NTHL1: variants seen among roughly 807,000 people sequenced by gnomAD.
NTHL1 encodes the protein nth like DNA glycosylase 1.
In NTHL1, 32 loss-of-function variants were observed where a neutral mutation model predicts 32.3. The ratio of observed to expected loss-of-function variants is 0.99; its 90% CI spans 0.75 to 1.33. NTHL1 has a LOEUF of 1.33. NTHL1 is among the 40% of genes most tolerant of loss of function. The pLI is 0.00. For synonymous variants in NTHL1, 188 were observed against 176.9 expected (o/e 1.06, Z -0.50); for missense variants, 501 against 414.1 (o/e 1.21, Z -1.82).
rs1219914965 is a variant in NTHL1, at chr16:2,039,849, G to T, written c.*75C>A. The T allele has an allele frequency of 6.3e-7, 1 of 1,585,202 alleles. No homozygotes were observed. Among genetic ancestry groups the T allele is most frequent in the Non-Finnish European group, 8.5e-7 (1 of 1,169,850 alleles). ...AACACACCAAAGCTTTATTCAACAG[G>T]CGTGGCTTCCTGAAGCGTAAAGCCA... On this transcript the variant is annotated 3_prime_UTR_variant, in exon 6 of 6. Transcript: ENST00000651570.
rs2084311016 is a variant in NTHL1 at position 2,044,311 on chromosome 16, G to A, written c.525+319C>T. 6.6e-6 allele frequency among the ~76,000 whole-genome samples: 1 copy of A among 152,214 alleles called. No homozygotes were observed. Among genetic ancestry groups the A allele is most frequent in the African/African-American group, 2.4e-5 (1 of 41,454 alleles). ...AGGGTGAGGGGCTCTGGACAGGAGGGGGTGACACACCGGGAGAGGCTAGCA... is the reference window on the plus strand; with the variant it reads ...AGGGTGAGGGGCTCTGGACAGGAGGAGGTGACACACCGGGAGAGGCTAGCA... On this transcript the variant is annotated intron_variant, in intron 3 of 5. Coordinates refer to ENST00000651570, the MANE Select transcript of NTHL1 (RefSeq NM_002528.7). This position sits in a 1 kb window ranked among gnomAD's most constrained non-coding sequence, Gnocchi z 5.0.
rs879181418 is a variant in NTHL1 at position 2,040,188 on chromosome 16, T to C, written c.736A>G (p.Lys246Glu). 2.5e-6 allele frequency: 4 copies of C among 1,613,972 alleles called. No homozygotes were observed. In the South Asian group the frequency reaches 3.3e-5, roughly 13 times the overall value. Residue 246 changes from lysine to glutamate, a missense_variant, in exon 5 of 6, where the codon AAG (lysine) becomes GAG (glutamate). Transcript: ENST00000651570. ...RIANRLRWTK[K>E]ATKSPEETRA... ...GTCTCCTCTGGGGACTTGGTTGCCT[T>C]CTTGGTCCACCTCAGCCTGTTGGCG...
Position 2,040,181 on chromosome 16 carries a change from G to T in NTHL1, c.743C>A (p.Thr248Asn), listed in dbSNP as rs577781337. ...GGCGCGGGTCTCCTCTGGGGACTTG[G>T]TTGCCTTCTTGGTCCACCTCAGCCT... ...ANRLRWTKKA[T>N]KSPEETRAAL... is the part of the protein sequence containing the mutation. The change falls in exon 5 of 6, where the codon ACC (threonine) becomes AAC (asparagine). Residue 248 changes from threonine to asparagine, a missense_variant. Physicochemically the swap from Thr to Asn is moderately conservative, Grantham distance 65. Transcript: ENST00000651570. 13 of 1,614,000 alleles carry T rather than the reference G, an allele frequency of 8.1e-6. No homozygotes were observed. Among genetic ancestry groups the T allele is most frequent in the Non-Finnish European group, 8.5e-6 (10 of 1,180,030 alleles).
intron 2 of NTHL1, 37 bp downstream of exon 2, chr16:2,046,091 A>AC (rs2084357997): frequency 6.5e-7 from 1 of 1,548,172 alleles, no homozygotes; most frequent in Non-Finnish European, 8.9e-7. Context: ...CCTTGCTAAG[A>AC]TGGGGGGTCA....
chr16:2,042,512 T>A (rs957464772), intron 4 of NTHL1, among the ~76,000 whole-genome samples: 5 of 152,042 alleles, frequency 3.3e-5, no homozygotes, highest in African/African-American at 1.2e-4. Context: ...GCCCCCCGCC[T>A]CCGGCACAGG....
intron 4 of NTHL1, chr16:2,040,590 C>T (rs999692965): frequency 9.5e-6 from 4 of 419,106 alleles, no homozygotes; most frequent in Non-Finnish European, 9.0e-6. Flanking sequence ...GCTTGGAGCT[C>T]TATTCCCCAC....
At position 2,040,034 on chromosome 16, in the gene NTHL1, C is replaced by G. The variant is rs895744368; in HGVS notation, c.805G>C (p.Glu269Gln). Reference protein sequence around the residue: ...EEWLPRELWHEINGLLVGFGQ... With the variant: ...EEWLPRELWHQINGLLVGFGQ... ...AAGCCCACCAAGAGTCCATTGATCT[C>G]GTGCCACAGCTCCCTGTGGGGGTGG... is the stretch of plus-strand genomic sequence containing the variant. Residue 269 changes from glutamate to glutamine, a missense_variant, in exon 6 of 6, where the codon GAG becomes CAG. Physicochemically the swap from Glu to Gln is conservative, Grantham distance 29 (BLOSUM62 2). Coordinates refer to ENST00000651570, the MANE Select transcript of NTHL1 (RefSeq NM_002528.7). The G allele has an allele frequency of 6.2e-7, 1 of 1,612,290 alleles. No individual in the cohort carries two copies. Among genetic ancestry groups the G allele is most frequent in the Non-Finnish European group, 8.5e-7 (1 of 1,179,984 alleles).
Position 2,046,370 on chromosome 16 carries a change from C to CA in NTHL1, c.116-5dup, listed in dbSNP as rs1596223593. ...GGGCTGTGGCTTTTCCTCGCTTCTG[C>CA]AAAAAGCACCACGCAGTCCCTCTGG... On this transcript the variant is annotated splice_polypyrimidine_tract_variant and splice_region_variant and intron_variant, in intron 1 of 5. Transcript: ENST00000651570. The CA allele has an allele frequency of 1.9e-6, 3 of 1,603,186 alleles. No homozygotes were observed. Among genetic ancestry groups the CA allele is most frequent in the Non-Finnish European group, 2.6e-6 (3 of 1,173,490 alleles).
At position 2,044,644 on chromosome 16, in the gene NTHL1, C is replaced by G. The variant is rs561923127; in HGVS notation, c.511G>C (p.Val171Leu). The change falls in exon 3 of 6, where the codon GTC becomes CTC. Residue 171 changes from valine (V) to leucine (L), a missense_variant. Physicochemically the swap from Val to Leu is conservative, Grantham distance 32. Coordinates refer to ENST00000651570, the MANE Select transcript of NTHL1 (RefSeq NM_002528.7). The surrounding 1 kb of genome is among the most constrained non-coding windows in gnomAD (Gnocchi z 5.0). ...DATLGKLIYP[V>L]GFWRSKVKYI... Reference sequence around the variant, plus strand: ...GCAGGGCTCACCCTCCAGAAACCGACGGGGTAGATGAGCTTGCCCAGCGTG... The same window carrying G: ...GCAGGGCTCACCCTCCAGAAACCGAGGGGGTAGATGAGCTTGCCCAGCGTG... The G allele has an allele frequency of 1.0e-5, 16 of 1,606,060 alleles. No individual in the cohort carries two copies. The highest frequency in any genetic ancestry group is 1.3e-5 in the Non-Finnish European group (15 of 1,179,922).
rs1054899967 is a variant in NTHL1, at chr16:2,042,161, A to G, written c.685+1406T>C. ...CCCACAGACACCTGGAGAGGGAGGT[A>G]TTTCCACATGGCTGTCTCTTGTGCC... On this transcript the variant is annotated intron_variant, in intron 4 of 5. Transcript: ENST00000651570. 3.5e-5 allele frequency: 16 copies of G among 452,364 alleles called. No individual in the cohort carries two copies. The Admixed American group carries it at 3.8e-4, about 11-fold the overall frequency. 28.0% of individuals were successfully genotyped at this position (452,364 alleles called of 1,614,324 possible).
At position 2,040,302 on chromosome 16, in the gene NTHL1, C is replaced by A. The variant is rs1008512351; in HGVS notation, c.686-64G>T. The A allele has an allele frequency of 4.8e-6, 7 of 1,459,514 alleles. No individual in the cohort carries two copies. The Admixed American group carries it at 1.2e-4, about 24-fold the overall frequency. The allele number at this position is 1,459,514 out of a possible 1,614,324, so 90.4% of individuals were successfully genotyped here. ...CACCAGCCTAGCCCGTGCCCCTCCCCGCCCAGAGGCGAGTCTGCCACCACC... is the reference window on the plus strand; with the variant it reads ...CACCAGCCTAGCCCGTGCCCCTCCCAGCCCAGAGGCGAGTCTGCCACCACC... On this transcript the variant is annotated intron_variant, in intron 4 of 5. Transcript: ENST00000651570.
intron 1 of NTHL1, chr16:2,047,498 A>G: frequency 1.3e-6 from 1 of 758,908 alleles, no homozygotes; most frequent in Non-Finnish European, 2.0e-6. Flanking sequence ...GGGGCAGCGG[A>G]GCGGAGCGCC....
chr16:2,040,279 C>A, intron 4 of NTHL1, 41 bp from the exon 5 acceptor site: 1 of 1,576,910 alleles, frequency 6.3e-7, no homozygotes, highest in Non-Finnish European at 8.7e-7. Context: ...GCACACTCCA[C>A]CAGCCTAGCC....
chr16:2,040,533 G>C, intron 4 of NTHL1: 1 of 517,836 alleles, frequency 1.9e-6, no homozygotes, highest in Non-Finnish European at 3.5e-6. Flanking sequence ...TGTGTGGGTG[G>C]TGGGGTCTCT....
rs2084319849 is a variant in NTHL1 at position 2,044,787 on chromosome 16, T to C, written c.368A>G (p.Gln123Arg). The C allele has an allele frequency of 1.2e-6, 2 of 1,607,994 alleles. No individual in the cohort carries two copies. The highest frequency in any genetic ancestry group is 2.2e-5 in the South Asian group (2 of 90,514). ...SSAPPKVRRYQVLLSLMLSSQ... is the reference protein window; with the variant it reads ...SSAPPKVRRYRVLLSLMLSSQ... ...GGAGAGCATCAGTGACAGCAGCACC[T>C]GGTACCTGCGTACCTGCTTGTGCAG... The change falls in exon 3 of 6, where the codon CAG becomes CGG. Residue 123 changes from glutamine (Q) to arginine (R), a missense_variant. Physicochemically the swap from Gln to Arg is conservative, Grantham distance 43. Coordinates refer to ENST00000651570, the MANE Select transcript of NTHL1 (RefSeq NM_002528.7). This position sits in a 1 kb window ranked among gnomAD's most constrained non-coding sequence, Gnocchi z 5.0.
chr16:2,039,896 C>T lies in NTHL1; in HGVS notation c.*28G>A, dbSNP rs373060958. The T allele has an allele frequency of 8.1e-6, 13 of 1,598,566 alleles. No individual in the cohort carries two copies. Among genetic ancestry groups the T allele is most frequent in the South Asian group, 3.3e-5 (3 of 91,020 alleles). On this transcript the variant is annotated 3_prime_UTR_variant, in exon 6 of 6. Transcript: ENST00000651570. ...GCCACTTCACAGACGGTGGCCACAG[C>T]GGCACCTCGGCCAGAGCCATGCGGC...
At position 2,047,804 on chromosome 16, in the gene NTHL1, C is replaced by G. The variant is rs930166212; in HGVS notation, c.20G>C (p.Arg7Thr). MTALSA[R>T]MLTRSRSLGP... Reference sequence around the variant, plus strand: ...CAGGCTCCGGCTCCGGGTCAGCATCCTCGCGCTCAAGGCGGTCATGCCGGA... The same window carrying G: ...CAGGCTCCGGCTCCGGGTCAGCATCGTCGCGCTCAAGGCGGTCATGCCGGA... Residue 7 changes from arginine (R) to threonine (T), a missense_variant, in exon 1 of 6, where the codon AGG (arginine) becomes ACG (threonine). Physicochemically the swap from Arg to Thr is moderately conservative, Grantham distance 71. Coordinates refer to ENST00000651570, the MANE Select transcript of NTHL1 (RefSeq NM_002528.7). 1.0e-5 allele frequency: 16 copies of G among 1,592,526 alleles called. No individual in the cohort carries two copies. In the East Asian group the frequency reaches 1.1e-4, roughly 11 times the overall value.
In NTHL1 at chr16:2,047,743, C is replaced by T. The variant is rs1596227883; in HGVS notation, c.81G>A (p.Glu27=). 1.9e-6 allele frequency: 3 copies of T among 1,585,642 alleles called. No homozygotes were observed. Among genetic ancestry groups the T allele is most frequent in the Admixed American group, 1.7e-5 (1 of 58,560 alleles). ...CCTCTCTTCTCCGGAGAGGCCCGGG[C>T]TCCTCCCTACACCCCCGCGGCCCAG... ...PGAGPRGCRE[E]PGPLRRREAA... is the part of the protein sequence containing the mutation. The change falls in exon 1 of 6, where the codon GAG becomes GAA. Residue 27 remains glutamate (E), a synonymous_variant. Transcript: ENST00000651570.
chr16:2,046,423 G>A lies in NTHL1; in HGVS notation c.116-57C>T. On this transcript the variant is annotated intron_variant, in intron 1 of 5. Coordinates refer to ENST00000651570, the MANE Select transcript of NTHL1 (RefSeq NM_002528.7). ...GGGCCACAGGTGAAGGTAGGGTAGG[G>A]GTGCCATCCCGCCTGCTAGCTCACC... The A allele has an allele frequency of 3.3e-6, 5 of 1,517,510 alleles. No individual in the cohort carries two copies. In the South Asian group the frequency reaches 3.5e-5, roughly 11 times the overall value. 94.0% of individuals were successfully genotyped at this position (1,517,510 alleles called of 1,614,324 possible). A position where few individuals can be genotyped will look rare whatever the true frequency, so the allele number is the denominator to read the frequency against.
Sources: gnomAD v4.1 joint callset for allele counts (sites outside exome capture counted in the v4.1 genomes callset) on GRCh38, gnomAD v4.1.1 for gene constraint, Gnocchi (gnomAD v3.1) non-coding constraint, MANE v1.5 for transcripts, NCBI Gene and HGNC (gene_info 2026-07-23, HGNC 2026-07-21) for gene names.